SERPINE2: variants seen among roughly 807,000 people sequenced by gnomAD.
SERPINE2 encodes serpin family E member 2.
A neutral mutation model predicts 36.3 loss-of-function variants in SERPINE2; 14 were observed. The observed-to-expected ratio is 0.39, with a 90% CI of 0.25 to 0.60. SERPINE2 has a LOEUF of 0.60. Ranked by LOEUF, SERPINE2 falls within the 20% of genes least tolerant of loss-of-function variation. SERPINE2 has a pLI of 0.57. For synonymous variants in SERPINE2, 192 were observed against 191.8 expected (o/e 1.00, Z -0.01); for missense variants, 418 against 499.6 (o/e 0.84, Z 1.56).
chr2:224,015,656 C>T lies in SERPINE2; in HGVS notation c.-22-13734G>A, dbSNP rs116880412. On this transcript the variant is annotated intron_variant, in intron 1 of 8. Transcript: ENST00000409304. ...GAAACTGGAAGAATCATTCACACTC[C>T]AGTGTCTATCTTGTTCCATGGCTCT... Among the ~76,000 whole-genome samples the T allele has an allele frequency of 1.6e-4, 24 of 152,352 alleles. No individual in the cohort carries two copies. The East Asian group carries it at 4.4e-3, about 28-fold the overall frequency.
chr2:224,015,350 G>GGT (rs1259855922), intron 1 of SERPINE2, among the ~76,000 whole-genome samples: 47 of 152,312 alleles, frequency 3.1e-4, no homozygotes, highest in African/African-American at 1.1e-3. Context: ...CAGTGGCCAG[G>GGT]GAAGTGCTCC....
chr2:224,000,373 G>C (rs1396824650), intron 2 of SERPINE2, among the ~76,000 whole-genome samples: 5 of 152,218 alleles, frequency 3.3e-5, no homozygotes, highest in Admixed American at 2.0e-4. Context: ...CCCCTCAGCT[G>C]AAGTAAAACA....
Position 224,039,118 on chromosome 2 carries a change from G to C in SERPINE2, c.-42C>G, listed in dbSNP as rs1692627848. 2 of 151,084 alleles carry C rather than the reference G, an allele frequency of 1.3e-5. No individual in the cohort carries two copies. Among genetic ancestry groups the C allele is most frequent in the South Asian group, 4.1e-4 (2 of 4,822 alleles). The allele number at this position is 151,084 out of a possible 1,614,324, so 9.4% of individuals were successfully genotyped here. ...ACTCACCGCGCTCGCTGGATCCCCA[G>C]GGGGCGGCCGCGGAGGGCGGTGCGG... On this transcript the variant is annotated 5_prime_UTR_variant, in exon 1 of 9. Coordinates refer to ENST00000409304, the MANE Select transcript of SERPINE2 (RefSeq NM_001136528.2). This position sits in a 1 kb window ranked among gnomAD's most constrained non-coding sequence, Gnocchi z 5.2.
chr2:223,997,731 T>C (rs754535202), intron 3 of SERPINE2, among the ~76,000 whole-genome samples: 2 of 152,042 alleles, frequency 1.3e-5, no homozygotes, highest in Non-Finnish European at 2.9e-5. Context: ...AAGAGATCAA[T>C]CAACCTGGAA....
At chr2:224,000,531 A>G (rs1691074818) in intron 2 of SERPINE2, among the ~76,000 whole-genome samples, 1 of 151,960 alleles carries the variant, frequency 6.6e-6, no homozygotes. Context: ...ATCTATCTGT[A>G]TCTTTTCTTT....
At chr2:223,998,394 GT>G in intron 2 of SERPINE2, 52 bp from the exon 3 acceptor site, 3 of 1,455,114 alleles carry the variant, frequency 2.1e-6, no homozygotes, top group Non-Finnish European at 2.9e-6. Flanking sequence ...ATCTAGAAAA[GT>G]TTTTAAAATC....
chr2:224,010,667 T>G (rs2106178840), intron 1 of SERPINE2, among the ~76,000 whole-genome samples: 1 of 152,314 alleles, frequency 6.6e-6, no homozygotes, highest in Non-Finnish European at 1.5e-5. Flanking sequence ...TCTTCATCCG[T>G]CTTAGCTTTG....
Position 223,980,393 on chromosome 2 carries a change from T to C in SERPINE2, c.990A>G (p.Ser330=). 6.2e-7 allele frequency: 1 copy of C among 1,613,892 alleles called. No homozygotes were observed. Among genetic ancestry groups the C allele is most frequent in the South Asian group, 1.1e-5 (1 of 91,082 alleles). ...SKANFAKITR[S]ENLHVSHILQ... ...AGATATGAGAAACATGGAGGTTTTCTGACCCTGCTTCCAGAAAATAAAACA... is the reference window on the plus strand; with the variant it reads ...AGATATGAGAAACATGGAGGTTTTCCGACCCTGCTTCCAGAAAATAAAACA... The change falls in exon 7 of 9, where the codon TCA becomes TCG. Residue 330 remains serine, a synonymous_variant. Transcript: ENST00000409304.
rs1338953321 is a variant in SERPINE2 at position 223,980,374 on chromosome 2, G to A, written c.1009C>T (p.His337Tyr). The change falls in exon 7 of 9, where the codon CAT becomes TAT. Residue 337 changes from histidine to tyrosine, a missense_variant. Physicochemically the swap from His to Tyr is moderately conservative, Grantham distance 83. Coordinates refer to ENST00000409304, the MANE Select transcript of SERPINE2 (RefSeq NM_001136528.2). ...TCAATTTTTGCTTTTTGCAAGATAT[G>A]AGAAACATGGAGGTTTTCTGACCCT... is the stretch of plus-strand genomic sequence containing the variant. ...ITRSENLHVS[H>Y]ILQKAKIEVS... 6.2e-7 allele frequency: 1 copy of A among 1,614,064 alleles called. No homozygotes were observed. The highest frequency in any genetic ancestry group is 1.7e-5 in the Admixed American group (1 of 60,018).
chr2:223,981,458 C>T (rs1461726406), intron 6 of SERPINE2: 1 of 152,232 alleles, frequency 6.6e-6, no homozygotes, highest in East Asian at 1.9e-4. Flanking sequence ...AAACAAGCTC[C>T]TGGGTGATGC....
intron 1 of SERPINE2, among the ~76,000 whole-genome samples, chr2:224,008,609 A>T (rs1027895539): frequency 3.3e-5 from 5 of 152,222 alleles, no homozygotes; most frequent in Admixed American, 2.0e-4. Flanking sequence ...CAGTCTTGTT[A>T]GCCTCCTTGC....
intron 2 of SERPINE2, 97 bp downstream of exon 2, chr2:224,001,545 T>C (rs968040309): frequency 3.5e-6 from 5 of 1,430,184 alleles, no homozygotes; most frequent in South Asian, 2.7e-5. Flanking sequence ...CTGGCTGCTC[T>C]GCTTCTTGGG....
At chr2:224,011,019 A>G (rs1043274700) in intron 1 of SERPINE2, among the ~76,000 whole-genome samples, 1 of 152,108 alleles carries the variant, frequency 6.6e-6, no homozygotes, top group Non-Finnish European at 1.5e-5. Flanking sequence ...AAGAGAACTG[A>G]GGGGTCCATT....
At chr2:223,997,060 G>C (rs960600092) in intron 3 of SERPINE2, among the ~76,000 whole-genome samples, 2 of 152,136 alleles carry the variant, frequency 1.3e-5, no homozygotes, top group Admixed American at 6.5e-5. Context: ...CTAAGAGACA[G>C]AGTGAGACCC....
intron 6 of SERPINE2, chr2:223,981,997 A>C (rs1279493854): frequency 6.6e-6 from 1 of 152,224 alleles, no homozygotes; most frequent in Non-Finnish European, 1.5e-5. Context: ...AAAGCAATAC[A>C]TGAAATACTC....
chr2:224,027,567 G>C (rs1281213644), intron 1 of SERPINE2, among the ~76,000 whole-genome samples: 1 of 152,206 alleles, frequency 6.6e-6, no homozygotes, highest in East Asian at 1.9e-4. Flanking sequence ...CAAGGTGGGA[G>C]TGGTAGAAGT....
intron 1 of SERPINE2, among the ~76,000 whole-genome samples, chr2:224,036,284 A>G (rs1175747784): frequency 6.6e-6 from 1 of 151,302 alleles, no homozygotes; most frequent in Non-Finnish European, 1.5e-5. Context: ...CCCAAGAGGT[A>G]GCAGAGATGC....
chr2:224,005,680 T>C (rs1222100152), intron 1 of SERPINE2, among the ~76,000 whole-genome samples: 1 of 152,236 alleles, frequency 6.6e-6, no homozygotes, highest in East Asian at 1.9e-4. Context: ...GATGCCATAA[T>C]GGGAAGTACA....
intron 5 of SERPINE2, among the ~76,000 whole-genome samples, chr2:223,984,032 C>T (rs114759561): frequency 1.9e-4 from 29 of 151,306 alleles, no homozygotes; most frequent in African/African-American, 6.1e-4. Context: ...GATTACTTAA[C>T]TCGGTGACCA....
Sources: allele counts gnomAD v4.1 joint callset (sites outside exome capture counted in the v4.1 genomes callset), GRCh38; gene constraint gnomAD v4.1.1; non-coding constraint Gnocchi (gnomAD v3.1); transcripts MANE v1.5; gene names NCBI Gene and HGNC (gene_info 2026-07-23, HGNC 2026-07-21).